The following PDIA4 variants were observed in gnomAD, a reference collection of about 807,000 sequenced individuals.
PDIA4 encodes protein disulfide isomerase family A member 4.
PDIA4 carries 33 observed loss-of-function variants against 62.1 expected under a neutral mutation model. The observed-to-expected ratio is 0.53, with a 90% CI of 0.40 to 0.71. The LOEUF (loss-of-function observed/expected upper bound fraction) is 0.71. Among genes scored for constraint, PDIA4 ranks in the 30% least tolerant of loss-of-function variants. The probability of loss-of-function intolerance (pLI) is 0.00; values close to 1 mark genes in which losing one functional copy is unlikely to be tolerated. For synonymous variants in PDIA4, 341 were observed against 324.1 expected, an observed-to-expected ratio of 1.05 and a Z score of -0.56; for missense variants, 804 against 813.6, an observed-to-expected ratio of 0.99 and a Z score of 0.14.
At chr7:149,015,894 CAT>C (rs2129504943) in intron 3 of PDIA4, among the ~76,000 whole-genome samples, 1 of 152,366 alleles carries the variant, frequency 6.6e-6, no homozygotes, top group Admixed American at 6.5e-5. Flanking sequence ...TTTATCAAAA[CAT>C]AGCATACACT....
At chr7:149,007,089 G>A (rs974328223) in intron 7 of PDIA4, among the ~76,000 whole-genome samples, 2 of 152,036 alleles carry the variant, frequency 1.3e-5, no homozygotes, top group Admixed American at 6.5e-5. Context: ...TGGGGGGAGG[G>A]GTCGCAGCAG....
intron 7 of PDIA4, among the ~76,000 whole-genome samples, chr7:149,007,496 T>A (rs1199027731): frequency 6.6e-6 from 1 of 152,138 alleles, no homozygotes; most frequent in Non-Finnish European, 1.5e-5. Context: ...AAACCAAAGC[T>A]TCAAACTCGA....
In PDIA4 at chr7:149,006,021, G is replaced by A. The variant is rs149735013; in HGVS notation, c.1164C>T (p.Phe388=). ...CCAGGGGCAGGGCGTACTTCAGCAC[G>A]AAGTCCTTGATGGCCGAGTCCTGGG... ...GSTQDSAIKD[F]VLKYALPLVG... is the part of the protein sequence containing the mutation. Residue 388 remains phenylalanine (F), a synonymous_variant, in exon 8 of 10, where the codon TTC becomes TTT. Transcript: ENST00000652332. 20 of 1,564,466 alleles carry A rather than the reference G, an allele frequency of 1.3e-5. No homozygotes were observed. Among genetic ancestry groups the A allele is most frequent in the Non-Finnish European group, 1.6e-5 (19 of 1,161,678 alleles).
rs1823627754 is a variant in PDIA4, at chr7:149,003,737, C to G, written c.*57G>C. 7.2e-7 allele frequency: 1 copy of G among 1,386,214 alleles called. No individual in the cohort carries two copies. Among genetic ancestry groups the G allele is most frequent in the East Asian group, 2.5e-5 (1 of 39,472 alleles). The allele number at this position is 1,386,214 out of a possible 1,614,324, so 85.9% of individuals were successfully genotyped here. On this transcript the variant is annotated 3_prime_UTR_variant, in exon 10 of 10. Coordinates refer to ENST00000652332, the MANE Select transcript of PDIA4 (RefSeq NM_004911.5). ...GTTGCCGGCCTCGGCGTGGACGCCC[C>G]GACCATGGGCCACGCAGGGCGTCTG... is the stretch of plus-strand genomic sequence containing the variant.
intron 3 of PDIA4, among the ~76,000 whole-genome samples, chr7:149,018,034 C>T (rs1376675071): frequency 1.3e-5 from 2 of 152,124 alleles, no homozygotes; most frequent in African/African-American, 4.8e-5. Flanking sequence ...TCGAGACCAT[C>T]CTGGCTAACA....
At position 149,008,189 on chromosome 7, in the gene PDIA4, A is replaced by G. The variant is rs765676601; in HGVS notation, c.1101T>C (p.Tyr367=). Residue 367 remains tyrosine (Y), a synonymous_variant, in exon 7 of 10, where the codon TAT becomes TAC. Coordinates refer to ENST00000652332, the MANE Select transcript of PDIA4 (RefSeq NM_004911.5). ...CGTCCATCATGTGGCTCCGGGGCTC[A>G]TACTTGGACTGGAATTTCTCAGGCT... ...VMQPEKFQSK[Y]EPRSHMMDVQ... 1.9e-4 allele frequency: 310 copies of G among 1,613,944 alleles called. No individual in the cohort carries two copies. The highest frequency in any genetic ancestry group is 2.6e-4 in the Non-Finnish European group (307 of 1,179,996).
rs1823616753 is a variant in PDIA4 at position 149,003,546 on chromosome 7, A to T, written c.*248T>A. The T allele has an allele frequency of 2.2e-5, 8 of 366,472 alleles. No individual in the cohort carries two copies. Among genetic ancestry groups the T allele is most frequent in the Non-Finnish European group, 3.9e-5 (8 of 207,234 alleles). The allele number at this position is 366,472 out of a possible 1,614,324, so 22.7% of individuals were successfully genotyped here. A position where few individuals can be genotyped will look rare whatever the true frequency, so the allele number is the denominator to read the frequency against. ...TAAAGAAATTAGAAGGTGTAAAAAA[A>T]AATTTTTCAAACCCCAAATAATGAT... On this transcript the variant is annotated 3_prime_UTR_variant, in exon 10 of 10. Transcript: ENST00000652332.
intron 4 of PDIA4, among the ~76,000 whole-genome samples, chr7:149,012,948 C>A (rs1297352619): frequency 3.9e-5 from 6 of 152,208 alleles, no homozygotes; most frequent in African/African-American, 1.4e-4. Flanking sequence ...GTCACACAGC[C>A]CATTGCCCAC....
At chr7:149,008,357 G>A (rs1823831823) in intron 6 of PDIA4, 47 bp from the exon 7 acceptor site, 12 of 1,573,178 alleles carry the variant, frequency 7.6e-6, no homozygotes, top group Admixed American at 1.7e-5. Flanking sequence ...TTGCCTAAAT[G>A]TCTGAGATTT....
intron 3 of PDIA4, among the ~76,000 whole-genome samples, chr7:149,015,852 G>A (rs1585422067): frequency 6.6e-6 from 1 of 152,326 alleles, no homozygotes; most frequent in East Asian, 1.9e-4. Context: ...CACACCCAGG[G>A]GTCCTGAGGC....
chr7:149,011,378 A>G (rs1006731054), intron 6 of PDIA4, among the ~76,000 whole-genome samples: 4 of 152,216 alleles, frequency 2.6e-5, no homozygotes, highest in East Asian at 1.9e-4. Context: ...AGCATTTATA[A>G]TACACTTAGC....
chr7:149,003,371 A>G lies in PDIA4; in HGVS notation c.*423T>C, dbSNP rs1395892108. ...TTGTGCTCAACAGGAAGCAATCAGA[A>G]ACACATACCAGAAGCCAAATCTACG... On this transcript the variant is annotated 3_prime_UTR_variant, in exon 10 of 10. Transcript: ENST00000652332. The G allele has an allele frequency of 6.5e-6, 1 of 153,302 alleles. No individual in the cohort carries two copies. Among genetic ancestry groups the G allele is most frequent in the African/African-American group, 2.4e-5 (1 of 41,512 alleles). The allele number at this position is 153,302 out of a possible 1,614,324, so 9.5% of individuals were successfully genotyped here. A position where few individuals can be genotyped will look rare whatever the true frequency, so the allele number is the denominator to read the frequency against.
At chr7:149,016,532 T>C (rs116649549) in intron 3 of PDIA4, among the ~76,000 whole-genome samples, 84 of 152,210 alleles carry the variant, frequency 5.5e-4, no homozygotes, top group African/African-American at 2.0e-3. Flanking sequence ...GTACCTTTTT[T>C]TTTTTTGAGA....
chr7:149,014,872 C>G (rs1429048080), intron 4 of PDIA4, 32 bp downstream of exon 4: 2 of 1,610,876 alleles, frequency 1.2e-6, no homozygotes, highest in Admixed American at 1.7e-5. Context: ...CACCAGGGTA[C>G]TGAATATGGA....
In PDIA4 at chr7:149,020,851, G is replaced by A. The variant is rs946938896; in HGVS notation, c.269+116C>T. On this transcript the variant is annotated intron_variant, in intron 2 of 9. Coordinates refer to ENST00000652332, the MANE Select transcript of PDIA4 (RefSeq NM_004911.5). The stretch of plus-strand genomic sequence containing the variant: ...CAGCGTTCTTAAAGCTAGAGTGCAA[G>A]TTCCTGCACCCAGACACTCCTACCC... The A allele has an allele frequency of 2.1e-5, 30 of 1,455,152 alleles. No homozygotes were observed. In the Admixed American group the frequency reaches 8.0e-4, roughly 39 times the overall value. The allele number at this position is 1,455,152 out of a possible 1,614,324, so 90.1% of individuals were successfully genotyped here.
chr7:149,005,407 C>T (rs1272328163), intron 8 of PDIA4, 33 bp from the exon 9 acceptor site: 1 of 1,408,620 alleles, frequency 7.1e-7, no homozygotes, highest in Admixed American at 1.7e-5. Context: ...AGCCAGGCGG[C>T]CACACAGAGC....
chr7:149,013,065 T>C (rs1411518481), intron 4 of PDIA4, among the ~76,000 whole-genome samples: 1 of 152,068 alleles, frequency 6.6e-6, no homozygotes, highest in Non-Finnish European at 1.5e-5. Flanking sequence ...CTGGCCAACA[T>C]GGCAATACCC....
At chr7:149,005,761 C>T (rs1016146198) in intron 8 of PDIA4, 136 bp downstream of exon 8, 11 of 654,272 alleles carry the variant, frequency 1.7e-5, no homozygotes, top group Non-Finnish European at 2.7e-5. Flanking sequence ...GAGCCACCAA[C>T]GTGCAAGGGC....
chr7:149,028,065 G>T, intron 1 of PDIA4: 1 of 628,562 alleles, frequency 1.6e-6, no homozygotes, highest in Non-Finnish European at 3.0e-6. Flanking sequence ...GGGTGACAGG[G>T]GTCTTCCAGG....
Sources: allele counts gnomAD v4.1 joint callset (sites outside exome capture counted in the v4.1 genomes callset), GRCh38; gene constraint gnomAD v4.1.1; transcripts MANE v1.5; gene names NCBI Gene and HGNC (gene_info 2026-07-23, HGNC 2026-07-21).